PPP1R13B: variants seen among roughly 807,000 people sequenced by gnomAD.
PPP1R13B encodes apoptosis-stimulating of p53 protein 1.
In PPP1R13B, 44 loss-of-function variants were observed where a neutral mutation model predicts 119.8. That is an observed-to-expected ratio of 0.37 (90% CI 0.29 to 0.47). PPP1R13B has a LOEUF of 0.47. Among genes scored for constraint, PPP1R13B ranks in the 20% least tolerant of loss-of-function variants. The pLI is 0.99. For missense variants in PPP1R13B, 1,227 were observed against 1,413.5 expected, an observed-to-expected ratio of 0.87 and a Z score of 2.12; for synonymous variants, 542 against 561.5, an observed-to-expected ratio of 0.97 and a Z score of 0.49.
chr14:103,791,127 T>TTC (rs1567126505), intron 2 of PPP1R13B, among the ~76,000 whole-genome samples: 1 of 96,908 alleles, frequency 1.0e-5, no homozygotes, highest in African/African-American at 4.6e-5. Flanking sequence ...TTTTCTTCTT[T>TTC]TTTTTTTTTT....
At chr14:103,743,602 C>T (rs773358556) in intron 9 of PPP1R13B, among the ~76,000 whole-genome samples, 14 of 152,224 alleles carry the variant, frequency 9.2e-5, no homozygotes, top group Non-Finnish European at 1.9e-4. Flanking sequence ...AAGTGTTCAA[C>T]GCTTCCAGCG....
chr14:103,847,272 C>T (rs1205722327), intron 1 of PPP1R13B, 27 bp downstream of exon 1: 1 of 1,200,546 alleles, frequency 8.3e-7, no homozygotes, highest in Non-Finnish European at 1.0e-6. Flanking sequence ...AGGAAGCCGC[C>T]GCCACCTCCC....
rs755179739 is a variant in PPP1R13B at position 103,746,432 on chromosome 14, G to C, written c.1091C>G (p.Pro364Arg). 8.1e-6 allele frequency: 13 copies of C among 1,614,006 alleles called. No individual in the cohort carries two copies. The highest frequency in any genetic ancestry group is 1.7e-5 in the Admixed American group (1 of 60,000). Reference protein sequence around the residue: ...SAGSFPVLGDPIKPQSLSIAS... With the variant: ...SAGSFPVLGDRIKPQSLSIAS... Reference sequence around the variant, plus strand: ...AATACTGAGAGACTGGGGCTTTATAGGGTCCCCCAGCACAGGAAAGCTTCC... The same window carrying C: ...AATACTGAGAGACTGGGGCTTTATACGGTCCCCCAGCACAGGAAAGCTTCC... Residue 364 changes from proline (P) to arginine (R), a missense_variant, in exon 9 of 17, where the codon CCT becomes CGT. Physicochemically the swap from Pro to Arg is moderately radical, Grantham distance 103. Transcript: ENST00000202556.
chr14:103,820,085 A>C (rs2086371487), intron 1 of PPP1R13B, among the ~76,000 whole-genome samples: 1 of 152,114 alleles, frequency 6.6e-6, no homozygotes, highest in African/African-American at 2.4e-5. Flanking sequence ...TAAAACAAAA[A>C]CAAGGGGGAG....
chr14:103,756,741 C>A (rs61668766), intron 5 of PPP1R13B, among the ~76,000 whole-genome samples: 3 of 151,786 alleles, frequency 2.0e-5, no homozygotes, highest in African/African-American at 7.3e-5. Flanking sequence ...ACAAAAGCAC[C>A]CTTTCTTCCC....
At chr14:103,816,013 G>A (rs2152064275) in intron 1 of PPP1R13B, among the ~76,000 whole-genome samples, 1 of 151,952 alleles carries the variant, frequency 6.6e-6, no homozygotes, top group African/African-American at 2.4e-5. Context: ...GAACCCAGGA[G>A]ACAGAGCTTG....
intron 1 of PPP1R13B, among the ~76,000 whole-genome samples, chr14:103,817,379 C>T (rs1473543894): frequency 2.0e-5 from 3 of 151,786 alleles, no homozygotes; most frequent in Non-Finnish European, 2.9e-5. Context: ...ATGAAGACTA[C>T]ACATAAATTT....
At chr14:103,847,228 G>A in intron 1 of PPP1R13B, 71 bp downstream of exon 1, 1 of 1,085,640 alleles carries the variant, frequency 9.2e-7, no homozygotes, top group South Asian at 3.3e-5. Flanking sequence ...GCTGGGAGCC[G>A]CGGGAGGAAG....
At chr14:103,744,325 T>C (rs180918729) in intron 9 of PPP1R13B, among the ~76,000 whole-genome samples, 10 of 152,322 alleles carry the variant, frequency 6.6e-5, no homozygotes, top group Admixed American at 2.0e-4. Flanking sequence ...CTCAGAAATA[T>C]CTTAATTTTG....
In PPP1R13B at chr14:103,757,746, C is replaced by T; in HGVS notation, c.360G>A (p.Gly120=). The T allele has an allele frequency of 6.2e-7, 1 of 1,613,316 alleles. No homozygotes were observed. Among genetic ancestry groups the T allele is most frequent in the Non-Finnish European group, 8.5e-7 (1 of 1,179,558 alleles). ...PGEKRTENGV[G]NPRVELTLSE... is the part of the protein sequence containing the mutation. ...AGAGGGTAAGTTCAACACGTGGATT[C>T]CCAACCTAAACAAAAAGCACTTATT... is the stretch of plus-strand genomic sequence containing the variant. The change falls in exon 5 of 17, where the codon GGG becomes GGA. Residue 120 remains glycine, a synonymous_variant. Coordinates refer to ENST00000202556, the MANE Select transcript of PPP1R13B (RefSeq NM_015316.3).
chr14:103,791,340 T>C (rs1207151179), intron 2 of PPP1R13B, among the ~76,000 whole-genome samples: 4 of 152,188 alleles, frequency 2.6e-5, no homozygotes, highest in Admixed American at 2.6e-4. Flanking sequence ...GGTCTCATCT[T>C]AGTTGAAAAT....
upstream of PPP1R13B, chr14:103,848,122 C>G (rs543405178): frequency 5.1e-6 from 3 of 586,646 alleles, no homozygotes; most frequent in Non-Finnish European, 6.4e-6. Context: ...AGCCCCGGCC[C>G]GACGCCCTTG....
At chr14:103,836,513 G>A (rs1481906786) in intron 1 of PPP1R13B, among the ~76,000 whole-genome samples, 1 of 152,052 alleles carries the variant, frequency 6.6e-6, no homozygotes, top group African/African-American at 2.4e-5. Context: ...GCTCATGCCT[G>A]TAATCCCAGC....
At chr14:103,773,484 A>T (rs1422724152) in intron 4 of PPP1R13B, among the ~76,000 whole-genome samples, 1 of 152,210 alleles carries the variant, frequency 6.6e-6, no homozygotes, top group African/African-American at 2.4e-5. Context: ...TAAATCCCAA[A>T]ACTCCACTAA....
At chr14:103,848,322 G>A (rs920337608), upstream of PPP1R13B, 6 of 985,352 alleles carry the variant, frequency 6.1e-6, no homozygotes, top group African/African-American at 1.0e-4. Context: ...GGGAGGGTCC[G>A]GTCCTCGTCT....
chr14:103,842,963 T>C (rs1320363420), intron 1 of PPP1R13B, among the ~76,000 whole-genome samples: 2 of 147,068 alleles, frequency 1.4e-5, no homozygotes, highest in African/African-American at 2.5e-5. Flanking sequence ...GGCAACAGAG[T>C]GAGATCTTGT....
chr14:103,785,852 G>A (rs2085450632), intron 2 of PPP1R13B, among the ~76,000 whole-genome samples: 1 of 151,928 alleles, frequency 6.6e-6, no homozygotes, highest in African/African-American at 2.4e-5. Context: ...AATTGACCAG[G>A]CCATGTTATT....
At chr14:103,739,132 C>G (rs112271247) in intron 12 of PPP1R13B, 109 bp from the exon 13 acceptor site, 5 of 1,458,800 alleles carry the variant, frequency 3.4e-6, no homozygotes, top group East Asian at 2.3e-5. Flanking sequence ...ACAGTGGCTC[C>G]GCGAAGCAGC....
At chr14:103,779,161 A>T (rs2085279509) in intron 3 of PPP1R13B, among the ~76,000 whole-genome samples, 1 of 139,910 alleles carries the variant, frequency 7.1e-6, no homozygotes, top group African/African-American at 2.7e-5. Context: ...ATGGTGGTGC[A>T]CCCTGTAGTC....
Sources: gnomAD v4.1 joint callset for allele counts (sites outside exome capture counted in the v4.1 genomes callset) on GRCh38, gnomAD v4.1.1 for gene constraint, MANE v1.5 for transcripts, NCBI Gene and HGNC (gene_info 2026-07-23, HGNC 2026-07-21) for gene names.